Variants in SRGAP3 observed in about 807,000 individuals in gnomAD.
SRGAP3 encodes the protein SLIT-ROBO Rho GTPase activating protein 3.
A neutral mutation model predicts 121.1 loss-of-function variants in SRGAP3; 39 were observed. That is an observed-to-expected ratio of 0.32 (90% CI 0.25 to 0.42). The LOEUF is 0.42. Among genes scored for constraint, SRGAP3 ranks in the 10% least tolerant of loss-of-function variants. The pLI is 1.00. For missense variants in SRGAP3, 1,213 were observed against 1,470.6 expected, an observed-to-expected ratio of 0.82 and a Z score of 2.86; for synonymous variants, 601 against 570.0, an observed-to-expected ratio of 1.05 and a Z score of -0.77.
chr3:9,138,974 A>G (rs1383048581), intron 1 of SRGAP3, among the ~76,000 whole-genome samples: 1 of 151,726 alleles, frequency 6.6e-6, no homozygotes, highest in African/African-American at 2.4e-5. Context: ...CCTCATCTTC[A>G]AGAAACAGTG....
At chr3:9,000,981 A>G (rs1942723583) in intron 18 of SRGAP3, among the ~76,000 whole-genome samples, 1 of 152,250 alleles carries the variant, frequency 6.6e-6, no homozygotes, top group Admixed American at 6.5e-5. Context: ...TAGTATAAAT[A>G]GAAGCTCATT....
chr3:9,277,620 A>AG (rs1954608996), intron 3 of SRGAP3, among the ~76,000 whole-genome samples: 2 of 150,624 alleles, frequency 1.3e-5, no homozygotes, highest in Admixed American at 6.6e-5. Flanking sequence ...AAAAAAAAAA[A>AG]AAAAAAAAAA....
chr3:9,093,257 C>A (rs1377891988), intron 3 of SRGAP3, among the ~76,000 whole-genome samples: 1 of 152,154 alleles, frequency 6.6e-6, no homozygotes, highest in South Asian at 2.1e-4. Flanking sequence ...CATTTTATAA[C>A]CTGATCTTCT....
intron 21 of SRGAP3, among the ~76,000 whole-genome samples, chr3:8,988,822 CTCACATGCGCAGT>C (rs919207267): frequency 2.0e-5 from 3 of 152,192 alleles, no homozygotes; most frequent in African/African-American, 7.2e-5. Flanking sequence ...ACCTAGATCC[CTCACATGCGCAGT>C]TCACAACAGG....
In SRGAP3 at chr3:8,985,263, G is replaced by C. The variant is rs972053848; in HGVS notation, c.*256C>G. The C allele has an allele frequency of 6.5e-5, 44 of 673,574 alleles. No homozygotes were observed. The African/African-American group carries it at 8.1e-4, about 12-fold the overall frequency. The allele number at this position is 673,574 out of a possible 1,614,324, so 41.7% of individuals were successfully genotyped here. ...TGTGGTATTTTGCCTCCATGTTAGG[G>C]AATGCTGTGGTTGGGGCTGCTGGAG... On this transcript the variant is annotated 3_prime_UTR_variant, in exon 22 of 22. Coordinates refer to ENST00000383836, the MANE Select transcript of SRGAP3 (RefSeq NM_014850.4). The surrounding 1 kb of genome is among the most constrained non-coding windows in gnomAD (Gnocchi z 5.1).
intron 1 of SRGAP3, among the ~76,000 whole-genome samples, chr3:9,178,813 G>T (rs1237165631): frequency 6.6e-6 from 1 of 152,106 alleles, no homozygotes; most frequent in East Asian, 1.9e-4. Context: ...AACAAATAGG[G>T]CAGGATCTTT....
chr3:9,005,860 G>A (rs1943039117), intron 18 of SRGAP3, among the ~76,000 whole-genome samples: 3 of 152,120 alleles, frequency 2.0e-5, no homozygotes, highest in Admixed American at 2.0e-4. Flanking sequence ...CCATGGTGAT[G>A]GTTGCACATA....
intron 1 of SRGAP3, among the ~76,000 whole-genome samples, chr3:9,226,191 C>A (rs1320135606): frequency 1.3e-5 from 2 of 152,186 alleles, no homozygotes; most frequent in African/African-American, 4.8e-5. Context: ...ATATCTTTTG[C>A]CCACATTACT....
intron 3 of SRGAP3, among the ~76,000 whole-genome samples, chr3:9,097,016 G>C (rs1366025143): frequency 1.7e-5 from 2 of 114,364 alleles, no homozygotes; most frequent in Admixed American, 9.9e-5. Flanking sequence ...TTAGAGACAG[G>C]GTCTCTCTCT....
intron 1 of SRGAP3, among the ~76,000 whole-genome samples, chr3:9,360,432 T>C (rs1190756829): frequency 1.3e-5 from 2 of 152,194 alleles, no homozygotes; most frequent in African/African-American, 2.4e-5. Flanking sequence ...TCAGAAAGCA[T>C]CTGTAGTGGA....
At chr3:9,034,555 A>G (rs937787183) in intron 11 of SRGAP3, 2 of 152,248 alleles carry the variant, frequency 1.3e-5, no homozygotes, top group African/African-American at 4.8e-5. Flanking sequence ...CAGTACATGC[A>G]TGGGCAAAAA....
At chr3:9,234,257 G>T (rs1301676697) in intron 1 of SRGAP3, among the ~76,000 whole-genome samples, 1 of 152,172 alleles carries the variant, frequency 6.6e-6, no homozygotes, top group African/African-American at 2.4e-5. Flanking sequence ...TTCTGCCTCA[G>T]TTTCCCCAAG....
At chr3:9,324,139 C>G (rs1442117575) in intron 3 of SRGAP3, among the ~76,000 whole-genome samples, 1 of 151,886 alleles carries the variant, frequency 6.6e-6, no homozygotes, top group Non-Finnish European at 1.5e-5. Context: ...GAAGTATGGT[C>G]ACTGGGATTG....
At chr3:9,103,080 C>A (rs867982761) in intron 3 of SRGAP3, among the ~76,000 whole-genome samples, 1 of 152,148 alleles carries the variant, frequency 6.6e-6, no homozygotes, top group Non-Finnish European at 1.5e-5. Flanking sequence ...GAAACTTAGC[C>A]CACATTTCAT....
At chr3:9,287,797 T>C (rs1205364486) in intron 3 of SRGAP3, among the ~76,000 whole-genome samples, 1 of 152,236 alleles carries the variant, frequency 6.6e-6, no homozygotes, top group Non-Finnish European at 1.5e-5. Flanking sequence ...GTTTGTATTA[T>C]TGCCATTGAG....
At chr3:9,074,146 G>A (rs1045438145) in intron 4 of SRGAP3, among the ~76,000 whole-genome samples, 13 of 152,154 alleles carry the variant, frequency 8.5e-5, no homozygotes, top group African/African-American at 3.1e-4. Flanking sequence ...GAAGGAGGAG[G>A]TGGCTGCACG....
chr3:9,136,229 C>A (rs1949642864), intron 1 of SRGAP3, among the ~76,000 whole-genome samples: 1 of 152,242 alleles, frequency 6.6e-6, no homozygotes, highest in East Asian at 1.9e-4. Flanking sequence ...CGGACACGGG[C>A]TCCCCATTGC....
intron 1 of SRGAP3, among the ~76,000 whole-genome samples, chr3:9,214,120 A>ACACACACACACACACACACATG (rs1553692739): frequency 1.9e-4 from 27 of 142,908 alleles, no homozygotes; most frequent in Middle Eastern, 7.2e-3. Flanking sequence ...CACCTCCAAC[A>ACACACACACACACACACACATG]CACACACACA....
chr3:9,142,159 A>C (rs1949876357), intron 1 of SRGAP3, among the ~76,000 whole-genome samples: 3 of 152,228 alleles, frequency 2.0e-5, no homozygotes, highest in Non-Finnish European at 2.9e-5. Flanking sequence ...AACCTACCTA[A>C]GAATTGTGGT....
Sources: gnomAD v4.1 joint callset for allele counts (sites outside exome capture counted in the v4.1 genomes callset) on GRCh38, gnomAD v4.1.1 for gene constraint, Gnocchi (gnomAD v3.1) non-coding constraint, MANE v1.5 for transcripts, NCBI Gene and HGNC (gene_info 2026-07-23, HGNC 2026-07-21) for gene names.